Variants in IRS1 observed in about 807,000 individuals in gnomAD.
IRS1 encodes the protein insulin receptor substrate 1.
Under a neutral mutation model 65.6 loss-of-function variants are expected in IRS1, and 34 were observed. The ratio of observed to expected loss-of-function variants is 0.52; its 90% confidence interval spans 0.39 to 0.69. The LOEUF is 0.69. Ranked by LOEUF, IRS1 falls within the 30% of genes least tolerant of loss-of-function variation. The pLI is 0.00. For synonymous variants in IRS1, 699 were observed against 683.5 expected, an observed-to-expected ratio of 1.02 and a Z score of -0.35; for missense variants, 1,641 against 1,720.2, an observed-to-expected ratio of 0.95 and a Z score of 0.81.
chr2:226,773,382 G>T (rs1379839558), intron 1 of IRS1, among the ~76,000 whole-genome samples: 4 of 152,082 alleles, frequency 2.6e-5, no homozygotes, highest in Non-Finnish European at 1.5e-5. Flanking sequence ...ATAAGGGAAG[G>T]TGTTTGAAAT....
chr2:226,798,530 A>C lies in IRS1; in HGVS notation c.209T>G (p.Phe70Cys), dbSNP rs1373053992. The C allele has an allele frequency of 1.2e-6, 2 of 1,613,894 alleles. No homozygotes were observed. Among genetic ancestry groups the C allele is most frequent in the African/African-American group, 2.7e-5 (2 of 74,902 alleles). The stretch of plus-strand genomic sequence containing the variant: ...GGAGTCAGCCCGCTTGTTGATGTTG[A>C]AGCAGCTCTCAAGGGGGATCGAGCG... ...PKRSIPLESC[F>C]NINKRADSKN... The change falls in exon 1 of 2, where the codon TTC becomes TGC. Residue 70 changes from phenylalanine to cysteine, a missense_variant. Physicochemically the swap from Phe to Cys is radical, Grantham distance 205. Coordinates refer to ENST00000305123, the MANE Select transcript of IRS1 (RefSeq NM_005544.3). The surrounding 1 kb of genome is among the most constrained non-coding windows in gnomAD (Gnocchi z 9.4).
chr2:226,765,637 T>A (rs897489510), intron 1 of IRS1, among the ~76,000 whole-genome samples: 2 of 152,170 alleles, frequency 1.3e-5, no homozygotes, highest in South Asian at 2.1e-4. Flanking sequence ...ACTCAACAGC[T>A]GGCCTCACAG....
intron 1 of IRS1, among the ~76,000 whole-genome samples, chr2:226,781,584 G>A (rs901802551): frequency 4.6e-5 from 7 of 152,120 alleles, no homozygotes; most frequent in Non-Finnish European, 1.0e-4. Context: ...AGCGTGGTGG[G>A]AAGCAGGCTT....
At chr2:226,761,892 T>C (rs1938922327) in intron 1 of IRS1, among the ~76,000 whole-genome samples, 1 of 152,212 alleles carries the variant, frequency 6.6e-6, no homozygotes. Context: ...TTATGTTCCA[T>C]CATAAACTAC....
chr2:226,756,918 C>T (rs778407600), intron 1 of IRS1, among the ~76,000 whole-genome samples: 2 of 151,656 alleles, frequency 1.3e-5, no homozygotes, highest in African/African-American at 2.4e-5. Context: ...GCTGAAATCA[C>T]GCCACTGCAC....
intron 1 of IRS1, among the ~76,000 whole-genome samples, chr2:226,760,672 G>A (rs1001774399): frequency 5.9e-5 from 9 of 152,096 alleles, no homozygotes; most frequent in Non-Finnish European, 7.4e-5. Flanking sequence ...ATCTGGGCAC[G>A]TATGAAGGCA....
intron 1 of IRS1, among the ~76,000 whole-genome samples, chr2:226,748,132 A>G (rs1368871709): frequency 1.3e-5 from 2 of 151,970 alleles, no homozygotes; most frequent in African/African-American, 4.8e-5. Context: ...CAAAAAAAAA[A>G]AAAAATCCTC....
rs79692024 is a variant in IRS1 at position 226,739,891 on chromosome 2, A to G, written c.*22-3641T>C. Among the ~76,000 whole-genome samples the G allele has an allele frequency of 4.0e-3, 617 of 152,374 alleles. 7 individuals carry two copies. The highest frequency in any genetic ancestry group is 0.013 in the African/African-American group (560 of 41,590). On this transcript the variant is annotated intron_variant, in intron 1 of 1. Coordinates refer to ENST00000305123, the MANE Select transcript of IRS1 (RefSeq NM_005544.3). ...GTCTTGCAGTCAGTCATTCAATGCA[A>G]TAAGCATAAATACAATGATAAAGAC... is the stretch of plus-strand genomic sequence containing the variant.
Position 226,796,257 on chromosome 2 carries a change from T to C in IRS1, c.2482A>G (p.Ser828Gly), listed in dbSNP as rs1475347900. ...GGYCGARLEP[S>G]LPHPHHQVLQ... is the part of the protein sequence containing the mutation. ...ACCTGATGGTGGGGATGTGGAAGGC[T>C]GGGCTCCAGCCTAGCCCCGCAGTAT... Residue 828 changes from serine (S) to glycine (G), a missense_variant, in exon 1 of 2, where the codon AGC becomes GGC. Ser to Gly is a moderately conservative substitution (Grantham distance 56, BLOSUM62 0). Transcript: ENST00000305123. 1 of 1,613,446 alleles carries C rather than the reference T, an allele frequency of 6.2e-7. No homozygotes were observed. Among genetic ancestry groups the C allele is most frequent in the Admixed American group, 1.7e-5 (1 of 60,026 alleles).
rs540440141 is a variant in IRS1 at position 226,789,532 on chromosome 2, C to T, written c.*21+5457G>A. On this transcript the variant is annotated intron_variant, in intron 1 of 1. Coordinates refer to ENST00000305123, the MANE Select transcript of IRS1 (RefSeq NM_005544.3). Reference sequence around the variant, plus strand: ...GCCTCCTATAGTCCCCAGTTGGCTTCTCAAATTTCCTTACCATTCACTTAA... The same window carrying T: ...GCCTCCTATAGTCCCCAGTTGGCTTTTCAAATTTCCTTACCATTCACTTAA... Among the ~76,000 whole-genome samples the T allele has an allele frequency of 1.5e-3, 229 of 152,330 alleles. 1 individual carries two copies. The highest frequency in any genetic ancestry group is 5.2e-3 in the African/African-American group (216 of 41,562).
Position 226,795,372 on chromosome 2 carries a change from C to T in IRS1, c.3367G>A (p.Ala1123Thr), listed in dbSNP as rs777666532. 4.3e-6 allele frequency: 7 copies of T among 1,613,054 alleles called. No individual in the cohort carries two copies. Among genetic ancestry groups the T allele is most frequent in the Non-Finnish European group, 5.9e-6 (7 of 1,179,922 alleles). Residue 1123 changes from alanine (A) to threonine (T), a missense_variant, in exon 1 of 2, where the codon GCA (alanine) becomes ACA (threonine). Physicochemically the swap from Ala to Thr is moderately conservative, Grantham distance 58. Transcript: ENST00000305123. The part of the protein sequence containing the change: ...VGNTVPFGAG[A>T]AVGGGGGSSS... Reference sequence around the variant, plus strand: ...CTACCGCCACCGCCCCCTACTGCTGCCCCCGCTCCAAAGGGCACTGTGTTG... The same window carrying T: ...CTACCGCCACCGCCCCCTACTGCTGTCCCCGCTCCAAAGGGCACTGTGTTG...
intron 1 of IRS1, among the ~76,000 whole-genome samples, chr2:226,783,544 A>G (rs1939427731): frequency 6.6e-6 from 1 of 152,256 alleles, no homozygotes; most frequent in Admixed American, 6.5e-5. Flanking sequence ...TAGTTATTTA[A>G]GGGAATATAA....
rs1174719439 is a variant in IRS1, at chr2:226,796,815, C to T, written c.1924G>A (p.Ala642Thr). ...YMPMSPKSVS[A>T]PQQIINPIRR... Reference sequence around the variant, plus strand: ...ATGGGATTGATGATCTGCTGTGGGGCAGATACGCTCTTGGGGCTCATGGGC... The same window carrying T: ...ATGGGATTGATGATCTGCTGTGGGGTAGATACGCTCTTGGGGCTCATGGGC... The change falls in exon 1 of 2, where the codon GCC (alanine) becomes ACC (threonine). Residue 642 changes from alanine (A) to threonine (T), a missense_variant. This residue lies in a region of IRS1 where 1,324 missense variants were observed against 1,361.0 expected (regional missense o/e 0.97). Coordinates refer to ENST00000305123, the MANE Select transcript of IRS1 (RefSeq NM_005544.3). The T allele has an allele frequency of 3.2e-6, 5 of 1,566,638 alleles. No individual in the cohort carries two copies. The highest frequency in any genetic ancestry group is 1.8e-5 in the Admixed American group (1 of 56,740).
At chr2:226,777,528 G>C (rs1053330198) in intron 1 of IRS1, among the ~76,000 whole-genome samples, 20 of 152,200 alleles carry the variant, frequency 1.3e-4, no homozygotes, top group African/African-American at 4.3e-4. Context: ...GAGGAAACTC[G>C]CTGATATGGC....
intron 1 of IRS1, among the ~76,000 whole-genome samples, chr2:226,782,126 A>G (rs1939395142): frequency 6.6e-6 from 1 of 152,002 alleles, no homozygotes; most frequent in African/African-American, 2.4e-5. Context: ...AGGGGGGCAG[A>G]GGGAGCTAGT....
chr2:226,795,760 C>T lies in IRS1; in HGVS notation c.2979G>A (p.Gln993=). ...CGTAGCTCTGACGGGGACAACTCAT[C>T]TGCATGGTCATGTAGTCACCCCGGC... ...PSSRGDYMTM[Q]MSCPRQSYVD... The change falls in exon 1 of 2, where the codon CAG becomes CAA. Residue 993 remains glutamine, a synonymous_variant. Transcript: ENST00000305123. The T allele has an allele frequency of 6.2e-7, 1 of 1,613,414 alleles. No individual in the cohort carries two copies. Among genetic ancestry groups the T allele is most frequent in the South Asian group, 1.1e-5 (1 of 91,090 alleles).
chr2:226,797,707 G>T lies in IRS1; in HGVS notation c.1032C>A (p.Gly344=). Residue 344 remains glycine (G), a synonymous_variant, in exon 1 of 2, where the codon GGC becomes GGA. Coordinates refer to ENST00000305123, the MANE Select transcript of IRS1 (RefSeq NM_005544.3). This position sits in a 1 kb window ranked among gnomAD's most constrained non-coding sequence, Gnocchi z 8.1. The part of the protein sequence containing the change: ...GTMSRPASVD[G]SPVSPSTNRT... ...TGTTGGTGCTGGGACTCACAGGGCT[G>T]CCGTCCACCGAGGCTGGGCGGGACA... 2 of 1,597,856 alleles carry T rather than the reference G, an allele frequency of 1.3e-6. No homozygotes were observed. The highest frequency in any genetic ancestry group is 1.7e-6 in the Non-Finnish European group (2 of 1,178,898).
Position 226,799,529 on chromosome 2 carries a change from C to A in IRS1, c.-791G>T. 9.2e-7 allele frequency: 1 copy of A among 1,085,068 alleles called. No homozygotes were observed. Among genetic ancestry groups the A allele is most frequent in the Non-Finnish European group, 1.1e-6 (1 of 878,768 alleles). 67.2% of individuals were successfully genotyped at this position (1,085,068 alleles called of 1,614,324 possible). A position where few individuals can be genotyped will look rare whatever the true frequency, so the allele number is the denominator to read the frequency against. On this transcript the variant is annotated 5_prime_UTR_variant, in exon 1 of 2. Transcript: ENST00000305123. The surrounding 1 kb of genome is among the most constrained non-coding windows in gnomAD (Gnocchi z 6.1). ...GGCCGGAGGGACAGACTCATCCCTG[C>A]CCCTCGCTCCAGGCGGCTGGGGAGG...
chr2:226,787,686 C>T (rs901137610), intron 1 of IRS1, among the ~76,000 whole-genome samples: 4 of 152,052 alleles, frequency 2.6e-5, no homozygotes, highest in Admixed American at 1.3e-4. Flanking sequence ...GGGTGGTGGG[C>T]TTGAATAGTA....
Sources: gnomAD v4.1 joint callset for allele counts (sites outside exome capture counted in the v4.1 genomes callset) on GRCh38, gnomAD v4.1.1 for gene constraint, gnomAD v4.1.1 regional missense constraint, Gnocchi (gnomAD v3.1) non-coding constraint, MANE v1.5 for transcripts, NCBI Gene and HGNC (gene_info 2026-07-23, HGNC 2026-07-21) for gene names.